The following SVIL variants were observed in gnomAD, a reference collection of about 807,000 sequenced individuals.
SVIL encodes supervillin, also known as archvillin.
SVIL carries 101 observed loss-of-function variants against 240.4 expected under a neutral mutation model. The ratio of observed to expected loss-of-function variants is 0.42; its 90% CI spans 0.36 to 0.50. SVIL has a LOEUF of 0.50. SVIL is among the 20% of genes least tolerant of loss of function. SVIL has a pLI of 0.01. For synonymous variants in SVIL, 999 were observed against 1,100.0 expected, an observed-to-expected ratio of 0.91 and a Z score of 1.82; for missense variants, 2,512 against 2,818.7, an observed-to-expected ratio of 0.89 and a Z score of 2.46.
chr10:29,571,763 T>C (rs1955429948), intron 1 of SVIL, among the ~76,000 whole-genome samples: 1 of 152,206 alleles, frequency 6.6e-6, no homozygotes, highest in Admixed American at 6.5e-5. Context: ...ACAGACTGAT[T>C]GTACAGAAAA....
chr10:29,563,379 G>GAA, intron 2 of SVIL, 87 bp from the exon 3 acceptor site: 1 of 462,732 alleles, frequency 2.2e-6, no homozygotes, highest in Non-Finnish European at 2.8e-6. Context: ...TTATGATATT[G>GAA]TTACACATCA....
intron 1 of SVIL, among the ~76,000 whole-genome samples, chr10:29,574,105 G>C (rs774691440): frequency 6.6e-6 from 1 of 152,328 alleles, no homozygotes; most frequent in Middle Eastern, 3.4e-3. Flanking sequence ...AACGCACAAA[G>C]TTCCCTGCTG....
At chr10:29,650,946 G>A (rs1429194509) in intron 3 of SVIL, among the ~76,000 whole-genome samples, 1 of 152,174 alleles carries the variant, frequency 6.6e-6, no homozygotes, top group Non-Finnish European at 1.5e-5. Context: ...AGCATGGAAT[G>A]TCTTTTCTCT....
At chr10:29,576,884 T>C (rs565968065) in intron 1 of SVIL, among the ~76,000 whole-genome samples, 1 of 151,296 alleles carries the variant, frequency 6.6e-6, no homozygotes, top group Non-Finnish European at 1.5e-5. Context: ...ATGCAAATGA[T>C]TTTTTTTTGT....
At chr10:29,724,182 T>TC (rs1284308341) in intron 1 of SVIL, among the ~76,000 whole-genome samples, 2 of 19,686 alleles carry the variant, frequency 1.0e-4, no homozygotes, top group African/African-American at 2.4e-4. Flanking sequence ...GTTTTCTCTC[T>TC]TTTTTTTTTT....
chr10:29,686,978 C>A (rs1218850334), intron 1 of SVIL, among the ~76,000 whole-genome samples: 1 of 152,184 alleles, frequency 6.6e-6, no homozygotes. Context: ...AATCTCAAGA[C>A]CCCCAAACTC....
In SVIL at chr10:29,481,594, G is replaced by A. The variant is rs1257021888; in HGVS notation, c.5090C>T (p.Ala1697Val). The part of the protein sequence containing the change: ...RSNEKNPGEL[A>V]QHKEDPRTDV... Reference sequence around the variant, plus strand: ...TGGTCGCCGGAATACCTTGTGCTGGGCAAGTTCCCCGGGGTTCTTCTCATT... The same window carrying A: ...TGGTCGCCGGAATACCTTGTGCTGGACAAGTTCCCCGGGGTTCTTCTCATT... Residue 1697 changes from alanine to valine, a missense_variant, in exon 28 of 38, where the codon GCC becomes GTC. Ala to Val is a moderately conservative substitution (Grantham distance 64). Transcript: ENST00000355867. The A allele has an allele frequency of 1.9e-6, 3 of 1,614,010 alleles. No homozygotes were observed. The Admixed American group carries it at 5.0e-5, about 27-fold the overall frequency.
chr10:29,602,597 T>A (rs1956858496), intron 1 of SVIL, among the ~76,000 whole-genome samples: 1 of 152,240 alleles, frequency 6.6e-6, no homozygotes, highest in Non-Finnish European at 1.5e-5. Flanking sequence ...ATCATGTACA[T>A]TTGTAAACTG....
intron 18 of SVIL, chr10:29,496,578 A>G: frequency 2.8e-6 from 1 of 352,190 alleles, no homozygotes; most frequent in Non-Finnish European, 5.6e-6. Flanking sequence ...CTGGCGGTTC[A>G]GGCAGTGGCA....
chr10:29,695,114 G>C (rs1290278022), intron 1 of SVIL, among the ~76,000 whole-genome samples: 1 of 152,146 alleles, frequency 6.6e-6, no homozygotes, highest in Non-Finnish European at 1.5e-5. Flanking sequence ...AAGCAATGAA[G>C]ACAAACTAGG....
At chr10:29,725,708 A>C (rs1964245377) in intron 1 of SVIL, among the ~76,000 whole-genome samples, 1 of 152,208 alleles carries the variant, frequency 6.6e-6, no homozygotes, top group African/African-American at 2.4e-5. Context: ...TCTGGGGCTC[A>C]GTCAGGCTGA....
intron 1 of SVIL, among the ~76,000 whole-genome samples, chr10:29,694,231 CA>C (rs61095076): frequency 3.2e-3 from 317 of 99,846 alleles, no homozygotes; most frequent in Middle Eastern, 6.3e-3. Context: ...CTGTGTCTAC[CA>C]AAAAAAAAAA....
At chr10:29,633,274 G>A (rs185001827) in intron 1 of SVIL, among the ~76,000 whole-genome samples, 1 of 151,604 alleles carries the variant, frequency 6.6e-6, no homozygotes, top group East Asian at 1.9e-4. Context: ...CACTGGTTTT[G>A]GTGAGAAGAG....
intron 1 of SVIL, among the ~76,000 whole-genome samples, chr10:29,628,876 C>T (rs1024909134): frequency 6.6e-6 from 1 of 152,036 alleles, no homozygotes; most frequent in Non-Finnish European, 1.5e-5. Flanking sequence ...AAAATAAGGC[C>T]GCCAGGAGAC....
intron 33 of SVIL, among the ~76,000 whole-genome samples, chr10:29,466,184 CAG>C (rs1480933720): frequency 6.6e-6 from 1 of 151,576 alleles, no homozygotes; most frequent in Non-Finnish European, 1.5e-5. Flanking sequence ...TATCTATACA[CAG>C]ATATATGTAT....
At position 29,489,298 on chromosome 10, in the gene SVIL, T is replaced by C. The variant is rs187268022; in HGVS notation, c.4193-542A>G. On this transcript the variant is annotated intron_variant, in intron 22 of 37. Coordinates refer to ENST00000355867, the MANE Select transcript of SVIL (RefSeq NM_021738.3). ...TAGAGTTAAGACTGTAGTTATAAGA[T>C]GGGTTTTCACTGCAAAACAGCAAAC... is the stretch of plus-strand genomic sequence containing the variant. Among the ~76,000 whole-genome samples, 174 of 152,330 alleles carry C rather than the reference T, an allele frequency of 1.1e-3. 1 individual carries two copies. In the East Asian group the frequency reaches 0.015, roughly 13 times the overall value.
At position 29,471,193 on chromosome 10, in the gene SVIL, CT is replaced by C. The variant is rs1448952327; in HGVS notation, c.5579del (p.Gln1860ArgfsTer47). ...TCCCCGAGTGCACCACCATCCCCCC[CT>C]GGAAACACTGCAGGAAACAGGGGGG... ...KEPPCFLQCFQGGMVVHSGRR... is the reference protein window; with the variant it reads ...KEPPCFLQCFXGGMVVHSGRR... On this transcript the variant is annotated frameshift_variant, in exon 31 of 38. Transcript: ENST00000355867. LOFTEE classifies it high-confidence loss of function. 3.1e-6 allele frequency: 5 copies of C among 1,613,788 alleles called. No individual in the cohort carries two copies. The highest frequency in any genetic ancestry group is 2.7e-5 in the African/African-American group (2 of 74,926).
intron 1 of SVIL, among the ~76,000 whole-genome samples, chr10:29,702,769 C>A (rs1380525917): frequency 2.0e-5 from 3 of 152,158 alleles, no homozygotes; most frequent in African/African-American, 7.2e-5. Context: ...TTCCTGTCCC[C>A]ACGCAGCTGT....
At chr10:29,508,322 T>C (rs1358604802) in intron 17 of SVIL, 9 of 1,281,342 alleles carry the variant, frequency 7.0e-6, no homozygotes, top group South Asian at 1.2e-5. Flanking sequence ...AGAGGACACC[T>C]GTGTTAGAGT....
Sources: allele counts gnomAD v4.1 joint callset (sites outside exome capture counted in the v4.1 genomes callset), GRCh38; gene constraint gnomAD v4.1.1; transcripts MANE v1.5; gene names NCBI Gene and HGNC (gene_info 2026-07-23, HGNC 2026-07-21).